AKAIN1: variants seen among roughly 807,000 people sequenced by gnomAD.
The protein encoded by AKAIN1 is A-kinase anchor inhibitor 1.
In AKAIN1, 3 loss-of-function variants were observed where a neutral mutation model predicts 3.7. The ratio of observed to expected loss-of-function variants is 0.82; its 90% confidence interval spans 0.37 to 2.12. The LOEUF is 2.12. AKAIN1 is among the 30% of genes most tolerant of loss of function. The pLI, the probability that AKAIN1 is intolerant of heterozygous loss-of-function variation, is 0.06. For missense variants in AKAIN1, 82 were observed against 82.7 expected (o/e 0.99, Z 0.03); for synonymous variants, 31 against 30.8 (o/e 1.01, Z -0.02).
At chr18:5,196,072 A>G (rs2071345794) in intron 1 of AKAIN1, among the ~76,000 whole-genome samples, 1 of 152,218 alleles carries the variant, frequency 6.6e-6, no homozygotes, top group South Asian at 2.1e-4. Context: ...TCTGAAGCCC[A>G]TGACCACAGC....
intron 1 of AKAIN1, among the ~76,000 whole-genome samples, chr18:5,187,681 A>G (rs1445098637): frequency 6.6e-6 from 1 of 152,146 alleles, no homozygotes; most frequent in African/African-American, 2.4e-5. Context: ...GGTTGTTACA[A>G]TGGCAGTTAA....
chr18:5,183,686 T>C (rs1263103135), intron 1 of AKAIN1, among the ~76,000 whole-genome samples: 1 of 152,146 alleles, frequency 6.6e-6, no homozygotes, highest in Non-Finnish European at 1.5e-5. Flanking sequence ...TGTTATTTTC[T>C]ATAAAGTTAC....
Position 5,144,526 on chromosome 18 carries a change from A to C in AKAIN1, c.*1036T>G, listed in dbSNP as rs1170442820. Among the ~76,000 whole-genome samples the C allele has an allele frequency of 6.6e-6, 1 of 152,242 alleles. No homozygotes were observed. The highest frequency in any genetic ancestry group is 1.5e-5 in the Non-Finnish European group (1 of 68,048). On this transcript the variant is annotated 3_prime_UTR_variant, in exon 2 of 2. Coordinates refer to ENST00000434239, the MANE Select transcript of AKAIN1 (RefSeq NM_001145194.2). ...CACACATATCTCTGTCACTGCATTC[A>C]AAACACTGTCACTTTACTGTCCCCA...
At chr18:5,171,342 A>T (rs1462420992) in intron 1 of AKAIN1, among the ~76,000 whole-genome samples, 1 of 152,188 alleles carries the variant, frequency 6.6e-6, no homozygotes, top group Non-Finnish European at 1.5e-5. Context: ...GACAAATGGG[A>T]TCACATCAAG....
At chr18:5,173,261 T>C (rs2071207661) in intron 1 of AKAIN1, among the ~76,000 whole-genome samples, 1 of 152,180 alleles carries the variant, frequency 6.6e-6, no homozygotes, top group Non-Finnish European at 1.5e-5. Flanking sequence ...AAATATCAAA[T>C]CATGGGCCAT....
At chr18:5,178,096 A>C (rs1487448726) in intron 1 of AKAIN1, among the ~76,000 whole-genome samples, 1 of 152,014 alleles carries the variant, frequency 6.6e-6, no homozygotes, top group African/African-American at 2.4e-5. Context: ...GGGTGGCTGC[A>C]TGCTCCTGCT....
intron 1 of AKAIN1, among the ~76,000 whole-genome samples, chr18:5,196,245 C>A (rs2071346948): frequency 6.6e-6 from 1 of 152,216 alleles, no homozygotes; most frequent in South Asian, 2.1e-4. Flanking sequence ...CTAGAGACAG[C>A]GTCGGACGTT....
intron 1 of AKAIN1, among the ~76,000 whole-genome samples, chr18:5,193,755 C>T (rs994986650): frequency 8.5e-5 from 13 of 152,170 alleles, no homozygotes; most frequent in African/African-American, 2.7e-4. Context: ...TATTTCCCCA[C>T]AAAACCAAGA....
At chr18:5,185,065 CA>C (rs1271841024) in intron 1 of AKAIN1, among the ~76,000 whole-genome samples, 5 of 152,022 alleles carry the variant, frequency 3.3e-5, no homozygotes, top group Admixed American at 1.3e-4. Context: ...ACCTGATCTT[CA>C]ACAAAGTTGA....
intron 1 of AKAIN1, among the ~76,000 whole-genome samples, chr18:5,176,930 T>C (rs8088402): frequency 0.064 from 9,675 of 152,124 alleles, 656 homozygotes; most frequent in African/African-American, 0.17. Flanking sequence ...AGTCTTCATG[T>C]ACTTCCAAGG....
chr18:5,148,017 A>C (rs2071059091), intron 1 of AKAIN1, among the ~76,000 whole-genome samples: 1 of 152,202 alleles, frequency 6.6e-6, no homozygotes, highest in Admixed American at 6.5e-5. Context: ...GCCTCTTTGC[A>C]TATCTGTAAA....
intron 1 of AKAIN1, among the ~76,000 whole-genome samples, chr18:5,148,197 C>T (rs184015461): frequency 6.6e-6 from 1 of 152,324 alleles, no homozygotes; most frequent in Admixed American, 6.5e-5. Context: ...AATAGGACAG[C>T]TCACACAAGA....
chr18:5,144,332 T>A lies in AKAIN1; in HGVS notation c.*1230A>T, dbSNP rs997455076. 2.6e-5 allele frequency among the ~76,000 whole-genome samples: 4 copies of A among 152,346 alleles called. No homozygotes were observed. Among genetic ancestry groups the A allele is most frequent in the Admixed American group, 2.6e-4 (4 of 15,302 alleles). ...TTGATACTCTGAAACTAGAAGGTTT[T>A]TAACCAAGGTCAAATTCTTCCTCTG... On this transcript the variant is annotated 3_prime_UTR_variant, in exon 2 of 2. Transcript: ENST00000434239.
At chr18:5,176,401 C>T (rs760195403) in intron 1 of AKAIN1, among the ~76,000 whole-genome samples, 5 of 152,042 alleles carry the variant, frequency 3.3e-5, no homozygotes, top group Non-Finnish European at 5.9e-5. Context: ...GATCGTGCCA[C>T]TGCACTCCAG....
In AKAIN1 at chr18:5,175,815, GT is replaced by G. The variant is rs199818881; in HGVS notation, c.16+21222del. ...CATGCTCATAACTTTAAATTATAGG[GT>G]TTTTTTTAACTTAGTTAAACATGAA... On this transcript the variant is annotated intron_variant, in intron 1 of 1. Coordinates refer to ENST00000434239, the MANE Select transcript of AKAIN1 (RefSeq NM_001145194.2). 7.9e-5 allele frequency among the ~76,000 whole-genome samples: 12 copies of G among 151,964 alleles called. No homozygotes were observed. The East Asian group carries it at 1.2e-3, about 15-fold the overall frequency.
intron 1 of AKAIN1, among the ~76,000 whole-genome samples, chr18:5,172,459 A>T (rs746592726): frequency 6.6e-6 from 1 of 152,036 alleles, no homozygotes; most frequent in Admixed American, 6.6e-5. Flanking sequence ...TTAAAAATTT[A>T]AAAAAAATTT....
chr18:5,151,472 C>A (rs2071079712), intron 1 of AKAIN1, among the ~76,000 whole-genome samples: 1 of 152,232 alleles, frequency 6.6e-6, no homozygotes, highest in African/African-American at 2.4e-5. Context: ...AGCCCCTGAG[C>A]TTCCAGCTTG....
chr18:5,165,420 C>G (rs186971504), intron 1 of AKAIN1, among the ~76,000 whole-genome samples: 1 of 151,952 alleles, frequency 6.6e-6, no homozygotes. Context: ...CCTTGCCACA[C>G]TCATCTCCTC....
At chr18:5,186,020 C>G (rs62082401) in intron 1 of AKAIN1, among the ~76,000 whole-genome samples, 21,310 of 152,110 alleles carry the variant, frequency 0.14, 2,028 homozygotes, top group Middle Eastern at 0.27. Context: ...GTCATCATGT[C>G]CTTTGCAGCA....
Sources: gnomAD v4.1 joint callset for allele counts (sites outside exome capture counted in the v4.1 genomes callset) on GRCh38, gnomAD v4.1.1 for gene constraint, MANE v1.5 for transcripts, NCBI Gene and HGNC (gene_info 2026-07-23, HGNC 2026-07-21) for gene names.